Variants in BSPRY observed in about 807,000 individuals in gnomAD.
The protein encoded by BSPRY is B box and SPRY domain-containing protein.
BSPRY carries 33 observed loss-of-function variants against 38.0 expected under a neutral mutation model. The observed-to-expected ratio is 0.87, with a 90% confidence interval of 0.66 to 1.16. The LOEUF is 1.16. BSPRY is among the 50% of genes most tolerant of loss of function. BSPRY has a pLI of 0.00. For synonymous variants in BSPRY, 224 were observed against 228.5 expected (o/e 0.98, Z 0.18); for missense variants, 523 against 533.2 (o/e 0.98, Z 0.19).
chr9:113,370,179 C>T lies in BSPRY; in HGVS notation c.*37C>T, dbSNP rs1464137659. 1.3e-6 allele frequency: 2 copies of T among 1,517,916 alleles called. No homozygotes were observed. The highest frequency in any genetic ancestry group is 2.2e-5 in the Admixed American group (1 of 45,548). The allele number at this position is 1,517,916 out of a possible 1,614,324, so 94.0% of individuals were successfully genotyped here. On this transcript the variant is annotated 3_prime_UTR_variant, in exon 6 of 6. Transcript: ENST00000374183. The surrounding 1 kb of genome is among the most constrained non-coding windows in gnomAD (Gnocchi z 4.8). ...AGGAAGCCAGGTCCACCGCCCACCA[C>T]CCTTTCAGGCCATGTTTCTACTCAG...
chr9:113,363,836 C>T (rs1834196584), intron 4 of BSPRY, among the ~76,000 whole-genome samples: 2 of 134,312 alleles, frequency 1.5e-5, no homozygotes, highest in Non-Finnish European at 1.5e-5. Context: ...TGAGATGCGC[C>T]ACTGCACTCC....
rs1468576595 is a variant in BSPRY, at chr9:113,369,798, A to G, written c.865A>G (p.Met289Val). The change falls in exon 6 of 6, where the codon ATG (methionine) becomes GTG (valine). Residue 289 changes from methionine to valine, a missense_variant. By Grantham distance (21) the Met-to-Val change is conservative (BLOSUM62 1). Transcript: ENST00000374183. ...CTTCCAGAATGGGCTCCATGCCTGGATGGTGAATGTCCAGAACAGTTGTGC... is the reference window on the plus strand; with the variant it reads ...CTTCCAGAATGGGCTCCATGCCTGGGTGGTGAATGTCCAGAACAGTTGTGC... ...TSFQNGLHAW[M>V]VNVQNSCAYK... is the part of the protein sequence containing the mutation. 1.2e-6 allele frequency: 2 copies of G among 1,614,228 alleles called. No homozygotes were observed. Among genetic ancestry groups the G allele is most frequent in the South Asian group, 2.2e-5 (2 of 91,090 alleles).
chr9:113,364,646 C>T (rs1834216295), intron 4 of BSPRY, among the ~76,000 whole-genome samples: 1 of 151,912 alleles, frequency 6.6e-6, no homozygotes, highest in African/African-American at 2.4e-5. Context: ...TTCTCTCTGT[C>T]TTCCTATTTA....
At chr9:113,350,630 G>A (rs1833956644) in intron 1 of BSPRY, among the ~76,000 whole-genome samples, 1 of 152,038 alleles carries the variant, frequency 6.6e-6, no homozygotes, top group African/African-American at 2.4e-5. Flanking sequence ...CTCCCAACCC[G>A]ACTCTGCAGT....
At chr9:113,354,465 A>T (rs923465885) in intron 2 of BSPRY, 127 bp downstream of exon 2, 21 of 711,816 alleles carry the variant, frequency 3.0e-5, no homozygotes, top group Non-Finnish European at 4.8e-5. Context: ...AAAGCTTCTC[A>T]TCCCTCAGAG....
Position 113,369,835 on chromosome 9 carries a change from G to T in BSPRY, c.902G>T (p.Gly301Val), listed in dbSNP as rs1271104288. 1.9e-6 allele frequency: 3 copies of T among 1,614,094 alleles called. No individual in the cohort carries two copies. Among genetic ancestry groups the T allele is most frequent in the Admixed American group, 1.7e-5 (1 of 60,010 alleles). ...CAGAACAGTTGTGCCTATAAGGTGG[G>T]CGTGGCTTCAGGCCACCTGCCCCGC... ...NVQNSCAYKVGVASGHLPRKG... is the reference protein window; with the variant it reads ...NVQNSCAYKVVVASGHLPRKG... Residue 301 changes from glycine to valine, a missense_variant, in exon 6 of 6, where the codon GGC (glycine) becomes GTC (valine). By Grantham distance (109) the Gly-to-Val change is moderately radical. Coordinates refer to ENST00000374183, the MANE Select transcript of BSPRY (RefSeq NM_017688.3).
chr9:113,358,295 G>T (rs1834097550), intron 2 of BSPRY, among the ~76,000 whole-genome samples: 1 of 151,340 alleles, frequency 6.6e-6, no homozygotes, highest in South Asian at 2.1e-4. Context: ...TTGAGACAGA[G>T]TCTTGCCCTG....
Position 113,360,742 on chromosome 9 carries a change from G to T in BSPRY, c.531+5G>T. 6.4e-7 allele frequency: 1 copy of T among 1,573,134 alleles called. No individual in the cohort carries two copies. The highest frequency in any genetic ancestry group is 8.6e-7 in the Non-Finnish European group (1 of 1,159,716). ...CTGGATGACCTCCAGCTGATTGTAA[G>T]TCAGGCAAGGGTGAGGGCATGACCA... On this transcript the variant is annotated splice_donor_5th_base_variant and intron_variant, in intron 3 of 5. Coordinates refer to ENST00000374183, the MANE Select transcript of BSPRY (RefSeq NM_017688.3).
intron 1 of BSPRY, among the ~76,000 whole-genome samples, chr9:113,350,328 C>T (rs986803995): frequency 6.6e-6 from 1 of 152,178 alleles, no homozygotes. Context: ...GCTCCTAACC[C>T]CTTCTGGCTT....
At chr9:113,357,359 T>G (rs562539064) in intron 2 of BSPRY, among the ~76,000 whole-genome samples, 5 of 152,252 alleles carry the variant, frequency 3.3e-5, no homozygotes, top group Non-Finnish European at 7.3e-5. Context: ...TATAGCCACA[T>G]GTACCCTTTC....
chr9:113,357,927 T>C (rs1834088466), intron 2 of BSPRY, among the ~76,000 whole-genome samples: 1 of 44,798 alleles, frequency 2.2e-5, no homozygotes, highest in Non-Finnish European at 3.9e-5. Context: ...TATATATATA[T>C]ATATATATAT....
chr9:113,357,632 G>T (rs1834080957), intron 2 of BSPRY, among the ~76,000 whole-genome samples: 1 of 151,876 alleles, frequency 6.6e-6, no homozygotes, highest in Non-Finnish European at 1.5e-5. Flanking sequence ...GTTGCCACAG[G>T]TTTGACTGTT....
At chr9:113,363,066 A>G (rs1162091013) in intron 4 of BSPRY, among the ~76,000 whole-genome samples, 1 of 152,210 alleles carries the variant, frequency 6.6e-6, no homozygotes, top group Admixed American at 6.5e-5. Context: ...AATGGGTATA[A>G]ATTATTTATT....
At chr9:113,350,970 C>T (rs554967121) in intron 1 of BSPRY, among the ~76,000 whole-genome samples, 1 of 152,166 alleles carries the variant, frequency 6.6e-6, no homozygotes, top group Admixed American at 6.5e-5. Context: ...ACTGGAGGCT[C>T]GGAACAAGGC....
intron 4 of BSPRY, 73 bp from the exon 5 acceptor site, chr9:113,368,186 C>T: frequency 6.4e-7 from 1 of 1,570,512 alleles, no homozygotes; most frequent in South Asian, 1.1e-5. Flanking sequence ...CTGTTCTTCT[C>T]TTCACCCCAT....
chr9:113,362,781 G>A (rs1834176368), intron 4 of BSPRY, among the ~76,000 whole-genome samples: 1 of 152,218 alleles, frequency 6.6e-6, no homozygotes, highest in African/African-American at 2.4e-5. Context: ...CCCCGGTACT[G>A]TTGCCTCTGC....
At chr9:113,360,780 C>T (rs775468763) in intron 3 of BSPRY, 43 bp downstream of exon 3, 2 of 1,451,052 alleles carry the variant, frequency 1.4e-6, no homozygotes, top group Non-Finnish European at 9.4e-7. Context: ...TGGCCAGGCT[C>T]CCCAAAAGCC....
chr9:113,350,054 G>A (rs193225700), intron 1 of BSPRY, among the ~76,000 whole-genome samples: 2 of 152,302 alleles, frequency 1.3e-5, no homozygotes, highest in African/African-American at 4.8e-5. Context: ...AATAATAATA[G>A]CGCGTATTTA....
chr9:113,363,904 A>G (rs1357720383), intron 4 of BSPRY, among the ~76,000 whole-genome samples: 1 of 132,564 alleles, frequency 7.5e-6, no homozygotes, highest in Non-Finnish European at 1.6e-5. Flanking sequence ...AAAAAAAAAA[A>G]AAAGCTGGGC....
Sources: allele counts gnomAD v4.1 joint callset (sites outside exome capture counted in the v4.1 genomes callset), GRCh38; gene constraint gnomAD v4.1.1; non-coding constraint Gnocchi (gnomAD v3.1); transcripts MANE v1.5; gene names NCBI Gene and HGNC (gene_info 2026-07-23, HGNC 2026-07-21).